The following UNC13C variants were observed in gnomAD, a reference collection of about 807,000 sequenced individuals.
UNC13C encodes protein unc-13 homolog C.
In UNC13C, 174 loss-of-function variants were observed where a neutral mutation model predicts 245.4. The observed-to-expected ratio is 0.71, with a 90% CI of 0.63 to 0.80. The LOEUF is 0.80. UNC13C is among the 30% of genes least tolerant of loss of function. The pLI is 0.00. For synonymous variants in UNC13C, 992 were observed against 895.1 expected, an observed-to-expected ratio of 1.11 and a Z score of -1.93; for missense variants, 2,829 against 2,602.9, an observed-to-expected ratio of 1.09 and a Z score of -1.89.
chr15:54,612,028 GTTTA>G (rs1382017242), intron 30 of UNC13C, among the ~76,000 whole-genome samples: 6 of 151,706 alleles, frequency 4.0e-5, no homozygotes, highest in Admixed American at 1.3e-4. Flanking sequence ...TACAAAATAA[GTTTA>G]TTTCTCATTT....
intron 2 of UNC13C, among the ~76,000 whole-genome samples, chr15:54,035,065 T>G (rs1156919702): frequency 6.6e-6 from 1 of 152,150 alleles, no homozygotes; most frequent in Non-Finnish European, 1.5e-5. Flanking sequence ...ATACCCTTCT[T>G]CCATTGTTTT....
chr15:54,559,564 G>A (rs1566909640), intron 29 of UNC13C, among the ~76,000 whole-genome samples: 2 of 151,988 alleles, frequency 1.3e-5, no homozygotes, highest in Non-Finnish European at 2.9e-5. Context: ...GGTGGTTGGA[G>A]ATGAGAGCAC....
At chr15:54,303,394 TAAAAG>T (rs1382494524) in intron 13 of UNC13C, among the ~76,000 whole-genome samples, 3 of 152,144 alleles carry the variant, frequency 2.0e-5, no homozygotes, top group Non-Finnish European at 2.9e-5. Flanking sequence ...AGAATCCCAT[TAAAAG>T]AAAAGATTAA....
At chr15:54,189,542 G>T (rs1393264466) in intron 4 of UNC13C, among the ~76,000 whole-genome samples, 1 of 152,142 alleles carries the variant, frequency 6.6e-6, no homozygotes, top group African/African-American at 2.4e-5. Flanking sequence ...AGCTGTGTCT[G>T]CAGAGGCAGA....
At chr15:54,073,911 TG>T (rs1371070424) in intron 2 of UNC13C, among the ~76,000 whole-genome samples, 1 of 152,052 alleles carries the variant, frequency 6.6e-6, no homozygotes, top group Non-Finnish European at 1.5e-5. Flanking sequence ...TTTTAGCTTT[TG>T]TTGCCGTTGT....
intron 19 of UNC13C, among the ~76,000 whole-genome samples, chr15:54,420,467 C>T (rs2040616343): frequency 6.6e-6 from 1 of 151,898 alleles, no homozygotes; most frequent in Non-Finnish European, 1.5e-5. Context: ...TCTACAATAT[C>T]TCGTTGGTCG....
At chr15:54,044,650 G>T (rs750155282) in intron 2 of UNC13C, among the ~76,000 whole-genome samples, 3 of 152,072 alleles carry the variant, frequency 2.0e-5, no homozygotes, top group Non-Finnish European at 4.4e-5. Flanking sequence ...CCTGTTCGTG[G>T]TGAGGTGGTA....
chr15:53,903,646 T>C, the UNC13C span, among the ~76,000 whole-genome samples: 12 of 152,322 alleles, frequency 7.9e-5, no homozygotes, highest in East Asian at 2.3e-3. Context: ...GTGACACGAC[T>C]GTTCAAGACC....
At chr15:54,490,948 T>C (rs1034767225) in intron 19 of UNC13C, among the ~76,000 whole-genome samples, 3 of 152,212 alleles carry the variant, frequency 2.0e-5, no homozygotes, top group Non-Finnish European at 4.4e-5. Context: ...TACAGCTAAA[T>C]TCATCTCCTC....
At chr15:54,181,658 T>C (rs1256738163) in intron 4 of UNC13C, among the ~76,000 whole-genome samples, 2 of 151,988 alleles carry the variant, frequency 1.3e-5, no homozygotes, top group East Asian at 3.9e-4. Flanking sequence ...TTTAATCATA[T>C]TGATTCTTCC....
the UNC13C span, among the ~76,000 whole-genome samples, chr15:53,892,346 G>T: frequency 1.3e-5 from 2 of 152,048 alleles, no homozygotes; most frequent in Non-Finnish European, 2.9e-5. Flanking sequence ...TCTGATGATT[G>T]TGTGTCTTGA....
intron 26 of UNC13C, among the ~76,000 whole-genome samples, chr15:54,533,683 C>T (rs1344952758): frequency 6.6e-6 from 1 of 152,166 alleles, no homozygotes; most frequent in East Asian, 1.9e-4. Context: ...CTGACTAAGA[C>T]AAATTCTTAA....
At chr15:54,048,357 A>G (rs1178218639) in intron 2 of UNC13C, among the ~76,000 whole-genome samples, 1 of 152,136 alleles carries the variant, frequency 6.6e-6, no homozygotes, top group Non-Finnish European at 1.5e-5. Context: ...TTTTCTTTTG[A>G]CAGTAAGCAA....
In UNC13C at chr15:54,623,055, T is replaced by C. The variant is rs556677728; in HGVS notation, c.6199+636T>C. Among the ~76,000 whole-genome samples the C allele has an allele frequency of 8.5e-5, 13 of 152,290 alleles. 1 individual carries two copies. The South Asian group carries it at 1.7e-3, about 19-fold the overall frequency. ...ATAGATTATATACAGTAGTATATACTGTCAATTTCCTTAAATATTTTTGAA... is the reference window on the plus strand; with the variant it reads ...ATAGATTATATACAGTAGTATATACCGTCAATTTCCTTAAATATTTTTGAA... On this transcript the variant is annotated intron_variant, in intron 31 of 32. Transcript: ENST00000260323.
At chr15:53,961,709 T>G in the UNC13C span, among the ~76,000 whole-genome samples, 3 of 152,238 alleles carry the variant, frequency 2.0e-5, no homozygotes, top group African/African-American at 7.2e-5. Context: ...TGAATAATAT[T>G]ACTGCTGTAA....
chr15:54,310,347 A>G (rs2037836604), intron 13 of UNC13C, among the ~76,000 whole-genome samples: 1 of 151,912 alleles, frequency 6.6e-6, no homozygotes, highest in Admixed American at 6.6e-5. Context: ...ACATCTTGCC[A>G]AATTGAACCT....
intron 17 of UNC13C, among the ~76,000 whole-genome samples, chr15:54,355,362 T>A (rs991149552): frequency 6.6e-6 from 1 of 152,160 alleles, no homozygotes; most frequent in African/African-American, 2.4e-5. Context: ...TAATCTCACT[T>A]TGCTTTTTTT....
intron 2 of UNC13C, among the ~76,000 whole-genome samples, chr15:54,055,418 C>T (rs768209675): frequency 4.6e-5 from 7 of 152,120 alleles, no homozygotes; most frequent in Non-Finnish European, 8.8e-5. Flanking sequence ...AAATATATTT[C>T]TTGAGATTCT....
intron 2 of UNC13C, among the ~76,000 whole-genome samples, chr15:54,132,686 A>G (rs950422790): frequency 6.6e-6 from 1 of 152,202 alleles, no homozygotes; most frequent in African/African-American, 2.4e-5. Flanking sequence ...TTTTCTTTGC[A>G]CTGTTTTTGG....
Sources: allele counts gnomAD v4.1 joint callset (sites outside exome capture counted in the v4.1 genomes callset), GRCh38; gene constraint gnomAD v4.1.1; transcripts MANE v1.5; gene names NCBI Gene and HGNC (gene_info 2026-07-23, HGNC 2026-07-21).